The following SMARCAD1 variants were observed in gnomAD, a reference collection of about 807,000 sequenced individuals.
SMARCAD1 encodes SNF2 related chromatin remodeling ATPase with DExD box 1.
A neutral mutation model predicts 127.1 loss-of-function variants in SMARCAD1; 25 were observed. That is an observed-to-expected ratio of 0.20 (90% CI 0.14 to 0.27). The LOEUF is 0.27. SMARCAD1 is among the 10% of genes least tolerant of loss of function. The pLI is 1.00. For synonymous variants in SMARCAD1, 400 were observed against 396.9 expected, an observed-to-expected ratio of 1.01 and a Z score of -0.09; for missense variants, 807 against 1,206.0, an observed-to-expected ratio of 0.67 and a Z score of 4.90.
At chr4:94,257,381 G>A (rs1342119610) in intron 9 of SMARCAD1, among the ~76,000 whole-genome samples, 3 of 152,084 alleles carry the variant, frequency 2.0e-5, no homozygotes, top group Non-Finnish European at 4.4e-5. Flanking sequence ...ATGTAAGCAG[G>A]ATCATCTTTT....
chr4:94,245,978 C>T (rs10025839), intron 6 of SMARCAD1, among the ~76,000 whole-genome samples: 22,960 of 152,196 alleles, frequency 0.15, 1,941 homozygotes, highest in Middle Eastern at 0.22. Context: ...CTTCATACAA[C>T]ATCCTTACCT....
At chr4:94,238,918 T>C (rs1457578380) in intron 5 of SMARCAD1, among the ~76,000 whole-genome samples, 1 of 97,764 alleles carries the variant, frequency 1.0e-5, no homozygotes, top group Admixed American at 1.1e-4. Flanking sequence ...GTACTGAGGT[T>C]ACATGAGGAA....
chr4:94,276,531 T>C, intron 15 of SMARCAD1, 57 bp downstream of exon 15: 1 of 1,571,452 alleles, frequency 6.4e-7, no homozygotes, highest in Non-Finnish European at 8.7e-7. Flanking sequence ...TTACGTAATT[T>C]AATATATGTA....
intron 14 of SMARCAD1, 83 bp downstream of exon 14, chr4:94,275,048 A>T (rs1753065862): frequency 1.0e-6 from 1 of 955,488 alleles, no homozygotes; most frequent in African/African-American, 1.6e-5. Context: ...ACTATGTAGG[A>T]AAGTTTATGC....
intron 2 of SMARCAD1, among the ~76,000 whole-genome samples, chr4:94,210,414 T>C (rs1456834893): frequency 6.6e-6 from 1 of 152,220 alleles, no homozygotes; most frequent in Non-Finnish European, 1.5e-5. Context: ...AGATATCCAT[T>C]GAAGAACTTA....
chr4:94,286,450 G>A (rs1231442736), intron 23 of SMARCAD1, among the ~76,000 whole-genome samples: 2 of 152,160 alleles, frequency 1.3e-5, no homozygotes, highest in Non-Finnish European at 2.9e-5. Context: ...GAGCTTTGAA[G>A]GTAGAAGGGT....
At position 94,248,573 on chromosome 4, in the gene SMARCAD1, T is replaced by G. The variant is rs1269611009; in HGVS notation, c.706-1081T>G. ...TCACCAGTATGTCTTATTATTCCCC[T>G]GCTCAAAATCCTGTTGCTTCTTAAA... On this transcript the variant is annotated intron_variant, in intron 6 of 23. Transcript: ENST00000354268. 30 of 455,584 alleles carry G rather than the reference T, an allele frequency of 6.6e-5. No homozygotes were observed. In the East Asian group the frequency reaches 1.9e-3, roughly 28 times the overall value. 28.2% of individuals were successfully genotyped at this position (455,584 alleles called of 1,614,324 possible).
At chr4:94,213,217 G>T (rs749092353) in intron 2 of SMARCAD1, 69 of 616,204 alleles carry the variant, frequency 1.1e-4, no homozygotes, top group Non-Finnish European at 1.5e-4. Flanking sequence ...AAAATACTAA[G>T]CAAAGTAGAA....
At chr4:94,286,540 T>G (rs920290328) in intron 23 of SMARCAD1, among the ~76,000 whole-genome samples, 1 of 152,158 alleles carries the variant, frequency 6.6e-6, no homozygotes, top group South Asian at 2.1e-4. Flanking sequence ...AAAATCAGTT[T>G]CCATTCTTTC....
chr4:94,243,902 C>G (rs61514245), intron 6 of SMARCAD1, among the ~76,000 whole-genome samples: 57,620 of 151,990 alleles, frequency 0.38, 11,922 homozygotes, highest in East Asian at 0.71. Context: ...ACAGTACATG[C>G]AGAGGGAATG....
intron 3 of SMARCAD1, among the ~76,000 whole-genome samples, chr4:94,231,262 T>C (rs17303283): frequency 0.14 from 21,944 of 152,052 alleles, 1,811 homozygotes; most frequent in Non-Finnish European, 0.19. Flanking sequence ...ACATTGCCGA[T>C]TGGGGAGGAA....
chr4:94,221,621 A>G (rs1341813242), intron 2 of SMARCAD1, among the ~76,000 whole-genome samples: 2 of 152,232 alleles, frequency 1.3e-5, no homozygotes, highest in African/African-American at 4.8e-5. Flanking sequence ...AGAGATTTTG[A>G]CAAATATAAA....
At chr4:94,270,857 G>A in intron 11 of SMARCAD1, 39 bp downstream of exon 11, 1 of 1,569,078 alleles carries the variant, frequency 6.4e-7, no homozygotes. Flanking sequence ...TGTTGAAAGT[G>A]TCATTAAAAG....
intron 22 of SMARCAD1, 106 bp downstream of exon 22, chr4:94,283,409 G>A: frequency 2.0e-6 from 2 of 979,510 alleles, no homozygotes; most frequent in East Asian, 5.1e-5. Flanking sequence ...TGTTTTTTCG[G>A]CAAAGCATGG....
At position 94,233,869 on chromosome 4, in the gene SMARCAD1, T is replaced by C. The variant is rs183695276; in HGVS notation, c.369-85T>C. On this transcript the variant is annotated intron_variant, in intron 3 of 23. Transcript: ENST00000354268. Reference sequence around the variant, plus strand: ...ATTGAAAAGAACTGCAGATGTGTTGTACTATGTATACACATAGACACTATA... The same window carrying C: ...ATTGAAAAGAACTGCAGATGTGTTGCACTATGTATACACATAGACACTATA... The C allele has an allele frequency of 8.9e-5, 118 of 1,318,866 alleles. No individual in the cohort carries two copies. In the East Asian group the frequency reaches 2.7e-3, roughly 31 times the overall value. The allele number at this position is 1,318,866 out of a possible 1,614,324, so 81.7% of individuals were successfully genotyped here.
chr4:94,244,889 T>C (rs993414689), intron 6 of SMARCAD1, among the ~76,000 whole-genome samples: 1 of 152,218 alleles, frequency 6.6e-6, no homozygotes. Context: ...AGCCCCTTTT[T>C]AAGTGTGTGA....
At chr4:94,270,650 T>C in intron 10 of SMARCAD1, 78 bp from the exon 11 acceptor site, 2 of 1,275,838 alleles carry the variant, frequency 1.6e-6, no homozygotes. Context: ...CATTTTAGTT[T>C]TTATGTGCAT....
chr4:94,241,510 C>A (rs1415446474), intron 6 of SMARCAD1, among the ~76,000 whole-genome samples: 1 of 152,112 alleles, frequency 6.6e-6, no homozygotes, highest in African/African-American at 2.4e-5. Flanking sequence ...CCAATAAGGT[C>A]ACATTCTGAG....
At chr4:94,236,688 C>T (rs1407808100) in intron 4 of SMARCAD1, among the ~76,000 whole-genome samples, 1 of 151,996 alleles carries the variant, frequency 6.6e-6, no homozygotes, top group Non-Finnish European at 1.5e-5. Context: ...CTAGAAAATA[C>T]TGTATATATG....
Sources: gnomAD v4.1 joint callset for allele counts (sites outside exome capture counted in the v4.1 genomes callset) on GRCh38, gnomAD v4.1.1 for gene constraint, MANE v1.5 for transcripts, NCBI Gene and HGNC (gene_info 2026-07-23, HGNC 2026-07-21) for gene names.